Variants in UNC5D observed in about 807,000 individuals in gnomAD.
UNC5D encodes the protein netrin receptor UNC5D.
A neutral mutation model predicts 105.4 loss-of-function variants in UNC5D; 39 were observed. The observed-to-expected ratio is 0.37, with a 90% CI of 0.29 to 0.48. UNC5D has a LOEUF of 0.48. Among genes scored for constraint, UNC5D ranks in the 20% least tolerant of loss-of-function variants. The pLI is 0.98. For synonymous variants in UNC5D, 452 were observed against 450.4 expected (o/e 1.00, Z -0.04); for missense variants, 991 against 1,202.4 (o/e 0.82, Z 2.60).
chr8:35,557,655 C>T (rs951779471), intron 2 of UNC5D, among the ~76,000 whole-genome samples: 2 of 152,112 alleles, frequency 1.3e-5, no homozygotes, highest in Non-Finnish European at 2.9e-5. Context: ...GTGTGAGATA[C>T]ATGTGTCCTT....
intron 4 of UNC5D, among the ~76,000 whole-genome samples, chr8:35,672,554 A>AG: frequency 6.6e-6 from 1 of 152,340 alleles, no homozygotes; most frequent in African/African-American, 2.4e-5. Context: ...AAAAAGCAAA[A>AG]GTAGAAGTAA....
At chr8:35,411,404 C>T (rs1328716081) in intron 1 of UNC5D, among the ~76,000 whole-genome samples, 1 of 151,888 alleles carries the variant, frequency 6.6e-6, no homozygotes, top group Non-Finnish European at 1.5e-5. Flanking sequence ...TGACAGTCAC[C>T]ATTCCTAATT....
intron 4 of UNC5D, among the ~76,000 whole-genome samples, chr8:35,600,452 T>C (rs866218346): frequency 7.9e-5 from 12 of 152,192 alleles, no homozygotes; most frequent in Non-Finnish European, 1.5e-4. Context: ...CTCCACATCC[T>C]CTCCAGCACC....
At chr8:35,342,155 C>A (rs1178126146) in intron 1 of UNC5D, among the ~76,000 whole-genome samples, 2 of 152,156 alleles carry the variant, frequency 1.3e-5, no homozygotes, top group South Asian at 4.1e-4. Flanking sequence ...ACCTCACATG[C>A]GGGATCTTGT....
At position 35,766,976 on chromosome 8, in the gene UNC5D, G is replaced by T. The variant is rs373889343; in HGVS notation, c.2388G>T (p.Thr796=). 6.2e-7 allele frequency: 1 copy of T among 1,613,984 alleles called. No individual in the cohort carries two copies. The highest frequency in any genetic ancestry group is 8.5e-7 in the Non-Finnish European group (1 of 1,179,938). Residue 796 remains threonine, a synonymous_variant, in exon 15 of 17, where the codon ACG becomes ACT. Coordinates refer to ENST00000404895, the MANE Select transcript of UNC5D (RefSeq NM_080872.4). ...GTGCCTTCTCCCTGGAGCGTTATAC[G>T]CCCACTACCACCCAGCTGTCCTGCA... The part of the protein sequence containing the change: ...LHCAFSLERY[T]PTTTQLSCKI...
chr8:35,708,067 T>C (rs1827706652), intron 8 of UNC5D, among the ~76,000 whole-genome samples: 1 of 152,142 alleles, frequency 6.6e-6, no homozygotes, highest in African/African-American at 2.4e-5. Flanking sequence ...ACATGAATCA[T>C]CACTAATGCA....
chr8:35,279,728 G>A (rs905894040), intron 1 of UNC5D, among the ~76,000 whole-genome samples: 4 of 152,154 alleles, frequency 2.6e-5, no homozygotes, highest in Admixed American at 6.5e-5. Flanking sequence ...CAATGAACTT[G>A]CTTTGCTTCA....
intron 1 of UNC5D, among the ~76,000 whole-genome samples, chr8:35,466,350 T>A (rs1337417231): frequency 6.6e-6 from 1 of 152,198 alleles, no homozygotes; most frequent in Non-Finnish European, 1.5e-5. Flanking sequence ...GTATCAGCAC[T>A]TTTTTTCTTA....
At chr8:35,778,815 C>G (rs541068638) in intron 16 of UNC5D, among the ~76,000 whole-genome samples, 1 of 152,194 alleles carries the variant, frequency 6.6e-6, no homozygotes, top group Non-Finnish European at 1.5e-5. Context: ...GCAAATGTCA[C>G]TGATGATAAT....
At chr8:35,567,075 CA>C (rs374314252) in intron 2 of UNC5D, among the ~76,000 whole-genome samples, 1,649 of 126,416 alleles carry the variant, frequency 0.013, 16 homozygotes, top group African/African-American at 0.033. Context: ...TGTAAAGTAA[CA>C]AAAAAAAAAA....
intron 1 of UNC5D, among the ~76,000 whole-genome samples, chr8:35,305,770 A>C (rs1458981294): frequency 1.4e-4 from 15 of 106,794 alleles, no homozygotes; most frequent in Admixed American, 4.7e-4. Flanking sequence ...TCCTCCCTCC[A>C]TCACTCTCTG....
intron 2 of UNC5D, among the ~76,000 whole-genome samples, chr8:35,564,397 C>T (rs764354390): frequency 8.5e-5 from 13 of 152,112 alleles, no homozygotes; most frequent in Non-Finnish European, 1.5e-4. Context: ...ATATTGAAGT[C>T]GCTTTACCTC....
chr8:35,706,932 C>T (rs1827622598), intron 8 of UNC5D, among the ~76,000 whole-genome samples: 1 of 152,152 alleles, frequency 6.6e-6, no homozygotes, highest in South Asian at 2.1e-4. Context: ...GCTAGGGAAA[C>T]TTCAAGATAC....
chr8:35,607,793 G>C (rs1820406211), intron 4 of UNC5D, among the ~76,000 whole-genome samples: 1 of 151,948 alleles, frequency 6.6e-6, no homozygotes, highest in Admixed American at 6.6e-5. Flanking sequence ...TCCCTCCCCA[G>C]CCATGAGGAA....
intron 1 of UNC5D, among the ~76,000 whole-genome samples, chr8:35,249,570 A>ATAATAATAG (rs1379345594): frequency 1.3e-4 from 3 of 23,126 alleles, no homozygotes; most frequent in African/African-American, 6.0e-4. Flanking sequence ...AATAATAATA[A>ATAATAATAG]TAATAATAAT....
chr8:35,542,677 A>G (rs2130640362), intron 1 of UNC5D, among the ~76,000 whole-genome samples: 1 of 152,332 alleles, frequency 6.6e-6, no homozygotes, highest in East Asian at 1.9e-4. Flanking sequence ...GCTTCACAGC[A>G]TGTATTCTGA....
chr8:35,368,617 T>C (rs1179250426), intron 1 of UNC5D, among the ~76,000 whole-genome samples: 1 of 150,372 alleles, frequency 6.7e-6, no homozygotes, highest in African/African-American at 2.4e-5. Context: ...ATAAATAATA[T>C]GTATTATGTC....
intron 1 of UNC5D, among the ~76,000 whole-genome samples, chr8:35,304,029 G>T (rs993809830): frequency 6.6e-6 from 1 of 152,072 alleles, no homozygotes; most frequent in Non-Finnish European, 1.5e-5. Context: ...AGGGACTCAC[G>T]TGGATCTCTC....
intron 1 of UNC5D, among the ~76,000 whole-genome samples, chr8:35,342,307 T>C (rs2128903185): frequency 6.6e-6 from 1 of 152,228 alleles, no homozygotes; most frequent in Middle Eastern, 3.4e-3. Flanking sequence ...TCATTCCTAT[T>C]CGTCATATGG....
Sources: allele counts gnomAD v4.1 joint callset (sites outside exome capture counted in the v4.1 genomes callset), GRCh38; gene constraint gnomAD v4.1.1; transcripts MANE v1.5; gene names NCBI Gene and HGNC (gene_info 2026-07-23, HGNC 2026-07-21).